Variants in RAD51B observed in about 807,000 individuals in gnomAD.
RAD51B encodes the protein DNA repair protein RAD51 homolog 2.
Under a neutral mutation model 42.2 loss-of-function variants are expected in RAD51B, and 38 were observed. The ratio of observed to expected loss-of-function variants is 0.90; its 90% CI spans 0.70 to 1.18. The LOEUF (loss-of-function observed/expected upper bound fraction) is 1.18, where lower values mean the gene tolerates loss of function less well. RAD51B is among the 50% of genes most tolerant of loss of function. The pLI is 0.00. For synonymous variants in RAD51B, 154 were observed against 145.2 expected (o/e 1.06, Z -0.43); for missense variants, 373 against 400.7 (o/e 0.93, Z 0.59).
intron 7 of RAD51B, among the ~76,000 whole-genome samples, chr14:67,903,311 A>G (rs1316978699): frequency 1.3e-5 from 2 of 152,152 alleles, no homozygotes; most frequent in Non-Finnish European, 2.9e-5. Flanking sequence ...TTTTCTGTGC[A>G]TTTGTTTCAG....
intron 11 of RAD51B, among the ~76,000 whole-genome samples, chr14:68,681,892 G>A (rs1893438965): frequency 6.6e-6 from 1 of 152,106 alleles, no homozygotes; most frequent in South Asian, 2.1e-4. Flanking sequence ...TGGACTTTGG[G>A]GACTGGGGAG....
chr14:68,399,048 G>A (rs1224467131), intron 8 of RAD51B, among the ~76,000 whole-genome samples: 1 of 152,120 alleles, frequency 6.6e-6, no homozygotes, highest in East Asian at 1.9e-4. Context: ...TGATTCTGAT[G>A]TATAGAAACA....
At chr14:68,334,948 A>T (rs74735328) in intron 8 of RAD51B, among the ~76,000 whole-genome samples, 1 of 78,882 alleles carries the variant, frequency 1.3e-5, no homozygotes, top group Non-Finnish European at 3.2e-5. Flanking sequence ...TATAAGTATT[A>T]TATATGTTTT....
intron 7 of RAD51B, among the ~76,000 whole-genome samples, chr14:68,039,818 A>G (rs1251564861): frequency 6.6e-6 from 1 of 152,244 alleles, no homozygotes; most frequent in African/African-American, 2.4e-5. Flanking sequence ...TTGCTGTTAA[A>G]GGTATGACAA....
At chr14:68,176,102 G>A (rs866099095) in intron 7 of RAD51B, among the ~76,000 whole-genome samples, 3 of 152,164 alleles carry the variant, frequency 2.0e-5, no homozygotes, top group African/African-American at 4.8e-5. Flanking sequence ...TGCTGTGTTC[G>A]TTAGTTGGAG....
At chr14:67,873,050 C>T (rs1341100111) in intron 5 of RAD51B, among the ~76,000 whole-genome samples, 2 of 152,194 alleles carry the variant, frequency 1.3e-5, no homozygotes, top group Non-Finnish European at 2.9e-5. Context: ...ATGTCTAAAA[C>T]ACTTAAAGCA....
intron 4 of RAD51B, among the ~76,000 whole-genome samples, chr14:67,838,175 T>G (rs1337171913): frequency 6.6e-6 from 1 of 152,190 alleles, no homozygotes; most frequent in East Asian, 1.9e-4. Flanking sequence ...TACCACATAT[T>G]TATCCATTTG....
chr14:68,543,685 C>T (rs1019856064), intron 10 of RAD51B, among the ~76,000 whole-genome samples: 1 of 152,194 alleles, frequency 6.6e-6, no homozygotes, highest in African/African-American at 2.4e-5. Flanking sequence ...CCCACAGCTT[C>T]GATGAGACCT....
chr14:68,547,586 A>C lies in RAD51B; in HGVS notation c.1037-46899A>C, dbSNP rs540921894. The stretch of plus-strand genomic sequence containing the variant: ...GAACCTCCGGGGCAGGAGACACAGC[A>C]CTGGCCTTAGAGTCCACAAGCCCGG... On this transcript the variant is annotated intron_variant, in intron 10 of 10. Coordinates refer to the RAD51B transcript ENST00000487270. Among the ~76,000 whole-genome samples, 4 of 152,302 alleles carry C rather than the reference A, an allele frequency of 2.6e-5. No individual in the cohort carries two copies. In the South Asian group the frequency reaches 6.2e-4, roughly 24 times the overall value.
At chr14:68,630,273 C>T (rs752431615) in intron 10 of RAD51B, among the ~76,000 whole-genome samples, 10 of 152,096 alleles carry the variant, frequency 6.6e-5, no homozygotes, top group Non-Finnish European at 1.3e-4. Flanking sequence ...CTTGAGCCTC[C>T]GGAGGAATTT....
At chr14:68,631,188 C>T (rs1892219482) in intron 10 of RAD51B, among the ~76,000 whole-genome samples, 1 of 152,144 alleles carries the variant, frequency 6.6e-6, no homozygotes, top group African/African-American at 2.4e-5. Flanking sequence ...CGTATATGGT[C>T]AAAGACTGTG....
intron 7 of RAD51B, among the ~76,000 whole-genome samples, chr14:67,937,156 G>GT (rs751423303): frequency 3.5e-4 from 54 of 152,258 alleles, no homozygotes; most frequent in Middle Eastern, 3.4e-3. Flanking sequence ...GGGGATAACA[G>GT]TTGTCTTTTA....
intron 10 of RAD51B, among the ~76,000 whole-genome samples, chr14:68,518,151 C>T (rs77639441): frequency 1.1e-3 from 169 of 152,286 alleles, no homozygotes; most frequent in Non-Finnish European, 1.8e-3. Context: ...ATTGTATTGC[C>T]GTGGAAGAGC....
chr14:68,321,811 T>C (rs1658234752), intron 8 of RAD51B, among the ~76,000 whole-genome samples: 5 of 152,200 alleles, frequency 3.3e-5, no homozygotes, highest in Admixed American at 3.3e-4. Context: ...AGTACAGTGC[T>C]GCGATCATGG....
At chr14:68,008,586 A>G (rs951579462) in intron 7 of RAD51B, among the ~76,000 whole-genome samples, 1 of 152,068 alleles carries the variant, frequency 6.6e-6, no homozygotes, top group Non-Finnish European at 1.5e-5. Flanking sequence ...GGAAAGAAGT[A>G]AAATAATTAT....
At chr14:68,122,982 G>C (rs921892763) in intron 7 of RAD51B, among the ~76,000 whole-genome samples, 14 of 143,124 alleles carry the variant, frequency 9.8e-5, no homozygotes, top group South Asian at 2.3e-4. Context: ...CACACACACA[G>C]ACACACACAC....
chr14:68,088,589 CGT>C (rs150938541), intron 7 of RAD51B, among the ~76,000 whole-genome samples: 59 of 136,638 alleles, frequency 4.3e-4, no homozygotes, highest in African/African-American at 8.7e-4. Flanking sequence ...GTTATGGGAT[CGT>C]GTGTGTGTGT....
downstream of RAD51B, among the ~76,000 whole-genome samples, chr14:68,596,467 A>G (rs1891004062): frequency 6.6e-6 from 1 of 152,196 alleles, no homozygotes; most frequent in South Asian, 2.1e-4. Flanking sequence ...GCTGGGGAGA[A>G]CAATGGCCCT....
chr14:68,051,293 C>G (rs2140419400), intron 7 of RAD51B, among the ~76,000 whole-genome samples: 1 of 152,218 alleles, frequency 6.6e-6, no homozygotes, highest in Middle Eastern at 3.4e-3. Flanking sequence ...CTTGGCACTA[C>G]TAAATTATTC....
Sources: allele counts gnomAD v4.1 joint callset (sites outside exome capture counted in the v4.1 genomes callset), GRCh38; gene constraint gnomAD v4.1.1; transcripts MANE v1.5; gene names NCBI Gene and HGNC (gene_info 2026-07-23, HGNC 2026-07-21).